The following NTNG1 variants were observed in gnomAD, a reference collection of about 807,000 sequenced individuals.
The protein encoded by NTNG1 is netrin-G1.
A neutral mutation model predicts 54.0 loss-of-function variants in NTNG1; 16 were observed. The ratio of observed to expected loss-of-function variants is 0.30; its 90% CI spans 0.20 to 0.45. The LOEUF is 0.45. Ranked by LOEUF, NTNG1 falls within the 20% of genes least tolerant of loss-of-function variation. The pLI, the probability that NTNG1 is intolerant of heterozygous loss-of-function variation, is 1.00. For missense variants in NTNG1, 530 were observed against 678.7 expected, an observed-to-expected ratio of 0.78 and a Z score of 2.43; for synonymous variants, 255 against 263.1, an observed-to-expected ratio of 0.97 and a Z score of 0.30.
intron 2 of NTNG1, among the ~76,000 whole-genome samples, chr1:107,217,800 G>A (rs1385955739): frequency 6.6e-6 from 1 of 152,040 alleles, no homozygotes; most frequent in African/African-American, 2.4e-5. Flanking sequence ...TTCCACTGTG[G>A]TCTGAGAGAG....
chr1:107,316,947 T>C (rs1050443212), intron 2 of NTNG1, among the ~76,000 whole-genome samples: 10 of 152,306 alleles, frequency 6.6e-5, no homozygotes, highest in African/African-American at 9.6e-5. Context: ...CCAGATGCTA[T>C]TGGAAGTGCC....
chr1:107,346,783 T>C (rs1477323081), intron 3 of NTNG1, among the ~76,000 whole-genome samples: 1 of 151,088 alleles, frequency 6.6e-6, no homozygotes, highest in African/African-American at 2.4e-5. Context: ...GACTTTCTTA[T>C]TTTGTATATG....
intron 2 of NTNG1, among the ~76,000 whole-genome samples, chr1:107,320,754 A>C (rs1020120983): frequency 1.4e-5 from 2 of 147,640 alleles, no homozygotes; most frequent in African/African-American, 5.0e-5. Context: ...ATTTTCTGTC[A>C]ATGTCATCAT....
intron 7 of NTNG1, among the ~76,000 whole-genome samples, chr1:107,451,501 C>T (rs1248791286): frequency 6.6e-6 from 1 of 152,128 alleles, no homozygotes; most frequent in Non-Finnish European, 1.5e-5. Flanking sequence ...CTGTCATCGG[C>T]AGCACACTGC....
intron 2 of NTNG1, among the ~76,000 whole-genome samples, chr1:107,235,717 G>A (rs551108001): frequency 2.6e-5 from 4 of 152,260 alleles, no homozygotes; most frequent in East Asian, 1.9e-4. Flanking sequence ...CCTTTAGCCT[G>A]CCAATCTCAT....
intron 3 of NTNG1, among the ~76,000 whole-genome samples, chr1:107,371,464 T>C (rs1263807546): frequency 6.6e-6 from 1 of 152,094 alleles, no homozygotes; most frequent in African/African-American, 2.4e-5. Flanking sequence ...TAGGAAATAT[T>C]GTGAACAATT....
chr1:107,406,633 G>T (rs987785412), intron 4 of NTNG1, among the ~76,000 whole-genome samples: 1 of 152,064 alleles, frequency 6.6e-6, no homozygotes, highest in Non-Finnish European at 1.5e-5. Context: ...TAAATCTCTG[G>T]CTTTTAATTA....
intron 2 of NTNG1, among the ~76,000 whole-genome samples, chr1:107,266,665 G>A (rs1663760988): frequency 6.7e-6 from 1 of 149,812 alleles, no homozygotes. Flanking sequence ...TACATAACCT[G>A]GATCAAGTCA....
intron 7 of NTNG1, among the ~76,000 whole-genome samples, chr1:107,461,758 T>C (rs1677296727): frequency 6.6e-6 from 1 of 152,090 alleles, no homozygotes; most frequent in African/African-American, 2.4e-5. Flanking sequence ...GTTCTTGATC[T>C]CTTGACCTCG....
At chr1:107,183,636 A>G (rs747455209) in intron 2 of NTNG1, among the ~76,000 whole-genome samples, 3 of 152,116 alleles carry the variant, frequency 2.0e-5, no homozygotes, top group Non-Finnish European at 4.4e-5. Flanking sequence ...TTAATGTCAC[A>G]ATGGGCTTAT....
intron 2 of NTNG1, among the ~76,000 whole-genome samples, chr1:107,226,930 C>A (rs1317115876): frequency 6.6e-6 from 1 of 152,146 alleles, no homozygotes; most frequent in East Asian, 1.9e-4. Context: ...GGTGCAGCAA[C>A]TGAGCAGCAC....
At position 107,326,331 on chromosome 1, in the gene NTNG1, T is replaced by C. The variant is rs186583819; in HGVS notation, c.887+1409T>C. On this transcript the variant is annotated intron_variant, in intron 3 of 7. Coordinates refer to ENST00000370068, the MANE Select transcript of NTNG1 (RefSeq NM_001113226.3). The stretch of plus-strand genomic sequence containing the variant: ...TTAAAGCAGTATGATGTTGAACTTG[T>C]GAGTTCTAAGCTGTAGAGGATAATT... Among the ~76,000 whole-genome samples the C allele has an allele frequency of 2.2e-3, 332 of 152,250 alleles. 4 individuals are homozygous for C. The highest frequency in any genetic ancestry group is 7.5e-3 in the African/African-American group (313 of 41,550).
rs979076718 is a variant in NTNG1, at chr1:107,148,492, C to T, written c.-102C>T. 31 of 1,082,460 alleles carry T rather than the reference C, an allele frequency of 2.9e-5. No individual in the cohort carries two copies. Among genetic ancestry groups the T allele is most frequent in the Admixed American group, 6.5e-5 (3 of 46,198 alleles). 67.1% of individuals were successfully genotyped at this position (1,082,460 alleles called of 1,614,324 possible). A position where few individuals can be genotyped will look rare whatever the true frequency, so the allele number is the denominator to read the frequency against. Reference sequence around the variant, plus strand: ...AAATACAGAGACCTACCTACCCGTACGCATACATACATATGTGTATATATA... The same window carrying T: ...AAATACAGAGACCTACCTACCCGTATGCATACATACATATGTGTATATATA... On this transcript the variant is annotated 5_prime_UTR_variant, in exon 2 of 8. The change creates a new upstream start codon in the 5' untranslated region. Transcript: ENST00000370068.
intron 2 of NTNG1, among the ~76,000 whole-genome samples, chr1:107,188,518 A>T (rs1657647782): frequency 6.6e-6 from 1 of 152,298 alleles, no homozygotes; most frequent in South Asian, 2.1e-4. Context: ...TAAAGTGCAC[A>T]TGTAATTAAT....
rs554824513 is a variant in NTNG1, at chr1:107,294,160, T to G, written c.247-30122T>G. On this transcript the variant is annotated intron_variant, in intron 2 of 7. Transcript: ENST00000370068. ...GAGCAGTGGTTCTTCAGTCGTGGTG[T>G]GTATCCAACCAACAATGGAGCCTGA... 4.0e-4 allele frequency among the ~76,000 whole-genome samples: 61 copies of G among 152,296 alleles called. 1 individual carries two copies. Among genetic ancestry groups the G allele is most frequent in the African/African-American group, 1.4e-3 (58 of 41,576 alleles).
chr1:107,451,190 A>G (rs1191406224), intron 7 of NTNG1, among the ~76,000 whole-genome samples: 1 of 142,428 alleles, frequency 7.0e-6, no homozygotes. Context: ...GCTATGTGCT[A>G]TTTTTCAGCA....
chr1:107,167,920 A>G (rs971770779), intron 2 of NTNG1, among the ~76,000 whole-genome samples: 2 of 152,190 alleles, frequency 1.3e-5, no homozygotes, highest in South Asian at 2.1e-4. Context: ...TTGGGTTGTC[A>G]TAAGGCTTAT....
chr1:107,344,254 C>T (rs1193929127), intron 3 of NTNG1, among the ~76,000 whole-genome samples: 2 of 152,242 alleles, frequency 1.3e-5, no homozygotes, highest in East Asian at 3.9e-4. Flanking sequence ...CACTTAATTA[C>T]AGGGAACAGG....
At chr1:107,206,143 C>A (rs1161184020) in intron 2 of NTNG1, among the ~76,000 whole-genome samples, 3 of 151,938 alleles carry the variant, frequency 2.0e-5, no homozygotes, top group Non-Finnish European at 2.9e-5. Context: ...ATTGCTGGGT[C>A]ATAATGTATG....
Sources: gnomAD v4.1 joint callset for allele counts (sites outside exome capture counted in the v4.1 genomes callset) on GRCh38, gnomAD v4.1.1 for gene constraint, MANE v1.5 for transcripts, NCBI Gene and HGNC (gene_info 2026-07-23, HGNC 2026-07-21) for gene names.